HIRA: variants seen among roughly 807,000 people sequenced by gnomAD.
HIRA encodes the protein histone cell cycle regulator.
Under a neutral mutation model 126.6 loss-of-function variants are expected in HIRA, and 13 were observed. That is an observed-to-expected ratio of 0.10 (90% confidence interval 0.07 to 0.16). The LOEUF is 0.16. Among genes scored for constraint, HIRA ranks in the 10% least tolerant of loss-of-function variants. HIRA has a pLI of 1.00. For missense variants in HIRA, 834 were observed against 1,314.4 expected, an observed-to-expected ratio of 0.63 and a Z score of 5.65; for synonymous variants, 511 against 520.0, an observed-to-expected ratio of 0.98 and a Z score of 0.24.
intron 13 of HIRA, among the ~76,000 whole-genome samples, chr22:19,378,297 C>A (rs894266123): frequency 1.3e-5 from 2 of 152,210 alleles, no homozygotes; most frequent in African/African-American, 4.8e-5. Flanking sequence ...AACAATGCTA[C>A]TAATTGTCAG....
Position 19,407,184 on chromosome 22 carries a change from G to A in HIRA, c.302C>T (p.Thr101Met), listed in dbSNP as rs1185401845. ...GTGAAGAAAGGAAAATGATGCTTAC[G>A]TAGCCCGCTTCCACACCATAATCAG... ...DKLIMVWKRA[T>M]YIGPSTVFGS... The change falls in exon 4 of 25, where the codon ACG (threonine) becomes ATG (methionine). Residue 101 changes from threonine to methionine, a missense_variant and splice_region_variant. Transcript: ENST00000263208. 3.1e-6 allele frequency: 5 copies of A among 1,611,026 alleles called. No homozygotes were observed. Among genetic ancestry groups the A allele is most frequent in the Non-Finnish European group, 3.4e-6 (4 of 1,177,420 alleles).
chr22:19,394,851 T>C (rs571808340), intron 7 of HIRA, among the ~76,000 whole-genome samples: 55 of 152,312 alleles, frequency 3.6e-4, no homozygotes, highest in African/African-American at 1.3e-3. Context: ...ACCCAATTCT[T>C]CTGTGTAGCA....
At chr22:19,399,587 C>A (rs2089250870) in intron 5 of HIRA, among the ~76,000 whole-genome samples, 1 of 152,102 alleles carries the variant, frequency 6.6e-6, no homozygotes, top group Non-Finnish European at 1.5e-5. Flanking sequence ...GAGACGCATA[C>A]CCTAGAGTGG....
chr22:19,385,507 G>A lies in HIRA; in HGVS notation c.1329+14C>T. The A allele has an allele frequency of 6.2e-7, 1 of 1,611,522 alleles. No individual in the cohort carries two copies. Among genetic ancestry groups the A allele is most frequent in the Non-Finnish European group, 8.5e-7 (1 of 1,178,050 alleles). ...TATGTCCATGTCTTTAGCGCCACCA[G>A]GCAGGGCTCTCACCTTCCTGATATC... On this transcript the variant is annotated intron_variant, in intron 12 of 24. Coordinates refer to ENST00000263208, the MANE Select transcript of HIRA (RefSeq NM_003325.4).
At chr22:19,422,266 T>A (rs558066004) in intron 1 of HIRA, among the ~76,000 whole-genome samples, 23 of 151,034 alleles carry the variant, frequency 1.5e-4, no homozygotes, top group Non-Finnish European at 2.2e-4. Context: ...ATGTATTACA[T>A]AAACACACAC....
At chr22:19,401,449 G>C (rs1394065201) in intron 5 of HIRA, among the ~76,000 whole-genome samples, 2 of 152,002 alleles carry the variant, frequency 1.3e-5, no homozygotes, top group African/African-American at 4.8e-5. Flanking sequence ...CCAATCCCTA[G>C]GCTCATCCTT....
chr22:19,424,460 C>G (rs1358840345), intron 1 of HIRA, among the ~76,000 whole-genome samples: 2 of 152,202 alleles, frequency 1.3e-5, no homozygotes, highest in Admixed American at 6.5e-5. Flanking sequence ...TCAAGAGAAA[C>G]CTACCAGGTT....
rs1407907782 is a variant in HIRA, at chr22:19,356,993, G to A, written c.2293C>T (p.Arg765Cys). ...AGGAGGATGGGAGAGAGGAGACGGC[G>A]ACCACAGGTGGAGAACACTGACAGC... ...RMLSVFSTCG[R>C]RLLSPILLPS... The change falls in exon 19 of 25, where the codon CGC becomes TGC. Residue 765 changes from arginine to cysteine, a missense_variant. By Grantham distance (180) the Arg-to-Cys change is radical. Transcript: ENST00000263208. 7 of 1,613,894 alleles carry A rather than the reference G, an allele frequency of 4.3e-6. No homozygotes were observed. The Admixed American group carries it at 5.0e-5, about 12-fold the overall frequency.
At chr22:19,375,600 G>C (rs1212587187) in intron 15 of HIRA, 31 bp downstream of exon 15, 6 of 1,610,948 alleles carry the variant, frequency 3.7e-6, no homozygotes, top group Non-Finnish European at 5.1e-6. Context: ...CACCCTGCCT[G>C]GTCCTTCAGG....
intron 13 of HIRA, among the ~76,000 whole-genome samples, chr22:19,381,923 T>C (rs2089076856): frequency 6.6e-6 from 1 of 152,252 alleles, no homozygotes. Context: ...GGGTTAACTC[T>C]GTCCTCTATT....
intron 9 of HIRA, among the ~76,000 whole-genome samples, chr22:19,389,382 G>A (rs1381474756): frequency 6.6e-6 from 1 of 152,124 alleles, no homozygotes; most frequent in Non-Finnish European, 1.5e-5. Context: ...CTGCTGGCTG[G>A]CCCTGAACTG....
At chr22:19,370,993 G>A (rs2088959633) in intron 15 of HIRA, among the ~76,000 whole-genome samples, 1 of 152,168 alleles carries the variant, frequency 6.6e-6, no homozygotes, top group African/African-American at 2.4e-5. Context: ...CAATCTAAGG[G>A]CTATCCTCCT....
chr22:19,428,597 AGAG>A (rs1389481526), intron 1 of HIRA, among the ~76,000 whole-genome samples: 6 of 152,160 alleles, frequency 3.9e-5, no homozygotes, highest in Non-Finnish European at 7.4e-5. Context: ...CTGCCACACC[AGAG>A]AAAAATGCTG....
intron 1 of HIRA, among the ~76,000 whole-genome samples, chr22:19,422,955 T>C (rs1271611119): frequency 1.3e-5 from 2 of 152,174 alleles, no homozygotes; most frequent in Non-Finnish European, 2.9e-5. Flanking sequence ...ACGACAATTC[T>C]GAAGGGCCTC....
chr22:19,386,422 G>A (rs1030149648), intron 11 of HIRA, among the ~76,000 whole-genome samples: 2 of 152,272 alleles, frequency 1.3e-5, no homozygotes, highest in Non-Finnish European at 2.9e-5. Flanking sequence ...ACTTCCATGG[G>A]ATGTGCAAAT....
At chr22:19,361,201 T>C (rs1195847098) in intron 17 of HIRA, 36 bp downstream of exon 17, 1 of 1,464,510 alleles carries the variant, frequency 6.8e-7, no homozygotes, top group Non-Finnish European at 9.6e-7. Flanking sequence ...TGTCTGGGTG[T>C]GCCTGAGGGA....
At chr22:19,373,837 C>T (rs964683067) in intron 15 of HIRA, among the ~76,000 whole-genome samples, 1 of 151,994 alleles carries the variant, frequency 6.6e-6, no homozygotes, top group Non-Finnish European at 1.5e-5. Flanking sequence ...AGACCCCAGG[C>T]CTTGTCTCAA....
Position 19,356,920 on chromosome 22 carries a change from G to A in HIRA, c.2366C>T (p.Ala789Val), listed in dbSNP as rs782526039. The change falls in exon 19 of 25, where the codon GCG becomes GTG. Residue 789 changes from alanine to valine, a missense_variant. By Grantham distance (64) the Ala-to-Val change is moderately conservative. Coordinates refer to ENST00000263208, the MANE Select transcript of HIRA (RefSeq NM_003325.4). Reference sequence around the variant, plus strand: ...AGAGAGTGTGGCTGCAGCGGTGAGCGCCATGACGTAGGAGCCTGTGCAATG... The same window carrying A: ...AGAGAGTGTGGCTGCAGCGGTGAGCACCATGACGTAGGAGCCTGTGCAATG... ...TLHCTGSYVMALTAAATLSVW... is the reference protein window; with the variant it reads ...TLHCTGSYVMVLTAAATLSVW... 1.9e-5 allele frequency: 31 copies of A among 1,613,780 alleles called. No individual in the cohort carries two copies. Among genetic ancestry groups the A allele is most frequent in the Non-Finnish European group, 2.5e-5 (29 of 1,179,996 alleles).
At chr22:19,418,078 C>G (rs1441531588) in intron 1 of HIRA, among the ~76,000 whole-genome samples, 1 of 152,048 alleles carries the variant, frequency 6.6e-6, no homozygotes, top group African/African-American at 2.4e-5. Context: ...TTGCCTACGT[C>G]TGAGTTGAGG....
Sources: gnomAD v4.1 joint callset for allele counts (sites outside exome capture counted in the v4.1 genomes callset) on GRCh38, gnomAD v4.1.1 for gene constraint, MANE v1.5 for transcripts, NCBI Gene and HGNC (gene_info 2026-07-23, HGNC 2026-07-21) for gene names.